The following ZFHX3 variants were observed in gnomAD, a reference collection of about 807,000 sequenced individuals.
ZFHX3 encodes the protein zinc finger homeobox protein 3.
A neutral mutation model predicts 279.1 loss-of-function variants in ZFHX3; 42 were observed. The observed-to-expected ratio is 0.15, with a 90% CI of 0.12 to 0.19. The LOEUF is 0.19. Among genes scored for constraint, ZFHX3 ranks in the 10% least tolerant of loss-of-function variants. ZFHX3 has a pLI of 1.00. For missense variants in ZFHX3, 4,981 were observed against 4,754.0 expected (o/e 1.05, Z -1.40); for synonymous variants, 2,293 against 1,957.8 (o/e 1.17, Z -4.52).
At chr16:72,915,026 T>G (rs1414155435) in intron 3 of ZFHX3, among the ~76,000 whole-genome samples, 1 of 152,034 alleles carries the variant, frequency 6.6e-6, no homozygotes, top group Admixed American at 6.6e-5. Context: ...CAAAAACACA[T>G]AGGCTAACAA....
At chr16:73,461,641 T>C (rs757334108) in intron 2 of ZFHX3, among the ~76,000 whole-genome samples, 22 of 152,216 alleles carry the variant, frequency 1.4e-4, no homozygotes, top group Non-Finnish European at 2.4e-4. Context: ...ACTGAAAGGC[T>C]AGCTTTCCTC....
In ZFHX3 at chr16:72,788,163, C is replaced by T. The variant is rs1258618031; in HGVS notation, c.10113G>A (p.Leu3371=). Residue 3371 remains leucine, a synonymous_variant, in exon 10 of 10, where the codon CTG becomes CTA. Transcript: ENST00000268489. ...LQQYQQYQQS[L]QEAIQQQQQR... ...GCTGCTGCTGCTGAATTGCCTCCTG[C>T]AGACTCTGCTGGTATTGCTGGTACT... is the stretch of plus-strand genomic sequence containing the variant. 2 of 1,612,266 alleles carry T rather than the reference C, an allele frequency of 1.2e-6. No homozygotes were observed. Among genetic ancestry groups the T allele is most frequent in the Non-Finnish European group, 8.5e-7 (1 of 1,179,456 alleles).
intron 6 of ZFHX3, among the ~76,000 whole-genome samples, chr16:73,136,522 G>C (rs1165161671): frequency 6.6e-6 from 1 of 151,810 alleles, no homozygotes; most frequent in Admixed American, 6.6e-5. Flanking sequence ...TCAGGAGTTC[G>C]AGACCAGCCT....
At chr16:73,604,666 C>A (rs1173173176) in intron 2 of ZFHX3, among the ~76,000 whole-genome samples, 3 of 151,700 alleles carry the variant, frequency 2.0e-5, no homozygotes, top group Non-Finnish European at 4.4e-5. Context: ...AATGGCTTCA[C>A]CCCGGGAGGC....
At chr16:73,210,829 C>T (rs2011986484) in intron 5 of ZFHX3, among the ~76,000 whole-genome samples, 1 of 149,448 alleles carries the variant, frequency 6.7e-6, no homozygotes, top group Admixed American at 6.7e-5. Flanking sequence ...ATCTTAGCTT[C>T]TTTTTTTTTT....
At chr16:73,147,360 G>A (rs1311822808) in intron 5 of ZFHX3, among the ~76,000 whole-genome samples, 1 of 152,134 alleles carries the variant, frequency 6.6e-6, no homozygotes, top group East Asian at 1.9e-4. Flanking sequence ...CCCGAGCAAC[G>A]TAGCCAGACT....
intron 7 of ZFHX3, among the ~76,000 whole-genome samples, chr16:73,115,733 G>C (rs994319929): frequency 2.0e-5 from 3 of 152,194 alleles, no homozygotes; most frequent in African/African-American, 7.2e-5. Context: ...CAGTTTCACA[G>C]ATGAGGAAAC....
intron 2 of ZFHX3, among the ~76,000 whole-genome samples, chr16:73,611,833 A>G (rs868364280): frequency 2.0e-5 from 3 of 152,230 alleles, no homozygotes; most frequent in Non-Finnish European, 4.4e-5. Context: ...AGGGCAAAAT[A>G]TGATCCTAAA....
intron 3 of ZFHX3, among the ~76,000 whole-genome samples, chr16:73,406,343 C>G (rs1460330782): frequency 6.6e-6 from 1 of 152,180 alleles, no homozygotes; most frequent in East Asian, 1.9e-4. Context: ...CTTGGAGCTT[C>G]TACAGCCCCA....
chr16:73,706,031 ACAG>A (rs1426270151), intron 1 of ZFHX3, among the ~76,000 whole-genome samples: 1 of 152,192 alleles, frequency 6.6e-6, no homozygotes, highest in African/African-American at 2.4e-5. Flanking sequence ...TTGGCCGGAC[ACAG>A]TGACTCACAC....
intron 4 of ZFHX3, among the ~76,000 whole-genome samples, chr16:73,286,574 TG>T (rs769027643): frequency 2.7e-5 from 4 of 146,448 alleles, no homozygotes; most frequent in Non-Finnish European, 6.0e-5. Context: ...TGTGGCTGTG[TG>T]GGTCTCTGCG....
At chr16:73,713,281 C>T (rs183313120) in intron 1 of ZFHX3, among the ~76,000 whole-genome samples, 5 of 152,262 alleles carry the variant, frequency 3.3e-5, no homozygotes, top group Admixed American at 6.5e-5. Flanking sequence ...AAAAGAGCTG[C>T]GAATTCATTA....
rs564265054 is a variant in ZFHX3 at position 73,151,576 on chromosome 16, G to C, written c.-1103-7745C>G. 6.0e-3 allele frequency among the ~76,000 whole-genome samples: 471 copies of C among 77,918 alleles called. 3 individuals are homozygous for C. The Middle Eastern group carries it at 0.081, about 13-fold the overall frequency. 51.1% of individuals were successfully genotyped at this position (77,918 alleles called of 152,430 possible). On this transcript the variant is annotated intron_variant, in intron 5 of 17. Transcript: ENST00000641206. ...GATTGGTGATACCTGCCCGGGCATA[G>C]GAATGGCAGTGATGAATCAATGCCA... is the stretch of plus-strand genomic sequence containing the variant.
chr16:73,317,234 C>T (rs912420398), intron 4 of ZFHX3, among the ~76,000 whole-genome samples: 9 of 136,312 alleles, frequency 6.6e-5, no homozygotes, highest in African/African-American at 2.5e-4. Context: ...CAAGATGAGA[C>T]TTCCATGTTC....
At chr16:73,797,710 G>A (rs1960034262) in intron 1 of ZFHX3, among the ~76,000 whole-genome samples, 1 of 151,964 alleles carries the variant, frequency 6.6e-6, no homozygotes, top group South Asian at 2.1e-4. Context: ...TCTATTTCTG[G>A]CTCTGCATGA....
chr16:73,200,171 T>C (rs959523853), intron 5 of ZFHX3, among the ~76,000 whole-genome samples: 1 of 152,164 alleles, frequency 6.6e-6, no homozygotes, highest in African/African-American at 2.4e-5. Context: ...AAAAAATGAA[T>C]ATCTTATGCA....
At chr16:73,805,759 T>C (rs1320203982) in intron 1 of ZFHX3, among the ~76,000 whole-genome samples, 1 of 152,202 alleles carries the variant, frequency 6.6e-6, no homozygotes, top group Non-Finnish European at 1.5e-5. Flanking sequence ...CACAAAAAGA[T>C]GCACGTATAA....
intron 5 of ZFHX3, chr16:73,232,695 G>A (rs1053873167): frequency 1.4e-4 from 21 of 152,164 alleles, no homozygotes; most frequent in African/African-American, 5.1e-4. Flanking sequence ...GCTTTGGGGG[G>A]ATTCCTTGGC....
chr16:72,890,243 G>C (rs1011886886), intron 3 of ZFHX3, among the ~76,000 whole-genome samples: 1 of 152,202 alleles, frequency 6.6e-6, no homozygotes, highest in African/African-American at 2.4e-5. Flanking sequence ...GTGATACTGA[G>C]TTCTCATGAG....
Sources: gnomAD v4.1 joint callset for allele counts (sites outside exome capture counted in the v4.1 genomes callset) on GRCh38, gnomAD v4.1.1 for gene constraint, MANE v1.5 for transcripts, NCBI Gene and HGNC (gene_info 2026-07-23, HGNC 2026-07-21) for gene names.